WDFY2: variants seen among roughly 807,000 people sequenced by gnomAD.
The protein encoded by WDFY2 is WD repeat and FYVE domain-containing protein 2.
A neutral mutation model predicts 56.4 loss-of-function variants in WDFY2; 36 were observed. The ratio of observed to expected loss-of-function variants is 0.64; its 90% CI spans 0.49 to 0.84. The LOEUF is 0.84. Among genes scored for constraint, WDFY2 ranks in the 40% least tolerant of loss-of-function variants. WDFY2 has a pLI of 0.00. For missense variants in WDFY2, 444 were observed against 512.2 expected (o/e 0.87, Z 1.29); for synonymous variants, 176 against 183.7 (o/e 0.96, Z 0.34).
chr13:51,700,505 G>A (rs911268749), intron 3 of WDFY2, among the ~76,000 whole-genome samples: 5 of 151,976 alleles, frequency 3.3e-5, no homozygotes, highest in African/African-American at 1.2e-4. Flanking sequence ...ACTCAATTTG[G>A]CCATGTCTAT....
chr13:51,637,244 T>G (rs1955071313), intron 1 of WDFY2, among the ~76,000 whole-genome samples: 1 of 152,172 alleles, frequency 6.6e-6, no homozygotes. Flanking sequence ...TTTACCAGTG[T>G]GCAGTGAAAT....
chr13:51,619,224 G>C (rs1018557103), intron 1 of WDFY2, among the ~76,000 whole-genome samples: 1 of 152,112 alleles, frequency 6.6e-6, no homozygotes, highest in Non-Finnish European at 1.5e-5. Context: ...AGGCTGAGGC[G>C]GGCAGACTGC....
chr13:51,749,685 A>T (rs1035382464), intron 7 of WDFY2, among the ~76,000 whole-genome samples: 5 of 152,162 alleles, frequency 3.3e-5, no homozygotes, highest in Non-Finnish European at 2.9e-5. Context: ...ATAGAAAAAT[A>T]AGAAGCAAAC....
chr13:51,643,179 C>A (rs1955204186), intron 1 of WDFY2, among the ~76,000 whole-genome samples: 1 of 152,146 alleles, frequency 6.6e-6, no homozygotes, highest in Non-Finnish European at 1.5e-5. Flanking sequence ...TCACCACTGT[C>A]CATTTCCAGA....
chr13:51,639,091 A>G (rs1955108566), intron 1 of WDFY2, among the ~76,000 whole-genome samples: 1 of 152,200 alleles, frequency 6.6e-6, no homozygotes. Flanking sequence ...AAGGGAGGTC[A>G]AGAATATAAT....
chr13:51,734,674 ACTT>A (rs1450558719), intron 6 of WDFY2, among the ~76,000 whole-genome samples: 4 of 152,198 alleles, frequency 2.6e-5, no homozygotes, highest in Non-Finnish European at 4.4e-5. Flanking sequence ...CATTTCCAGA[ACTT>A]CTTCATCATC....
chr13:51,707,460 T>G lies in WDFY2; in HGVS notation c.334+3810T>G, dbSNP rs188753158. ...AGGCAAGAACCACTGTGCCAGCACA[T>G]TTTTAAAGTTCTAAAAGAAGAAAAA... On this transcript the variant is annotated intron_variant, in intron 4 of 11. Coordinates refer to ENST00000298125, the MANE Select transcript of WDFY2 (RefSeq NM_052950.4). Among the ~76,000 whole-genome samples, 3 of 152,332 alleles carry G rather than the reference T, an allele frequency of 2.0e-5. No individual in the cohort carries two copies. The East Asian group carries it at 5.8e-4, about 29-fold the overall frequency.
At chr13:51,613,699 A>G (rs1954548223) in intron 1 of WDFY2, among the ~76,000 whole-genome samples, 1 of 152,008 alleles carries the variant, frequency 6.6e-6, no homozygotes, top group African/African-American at 2.4e-5. Context: ...TTTTCGTGGA[A>G]AAGTCTTAGA....
At chr13:51,624,204 G>A (rs1226723499) in intron 1 of WDFY2, among the ~76,000 whole-genome samples, 2 of 152,158 alleles carry the variant, frequency 1.3e-5, no homozygotes, top group East Asian at 1.9e-4. Flanking sequence ...TGCTGAAAGC[G>A]GGAGTTCAGA....
chr13:51,625,969 A>G (rs985981966), intron 1 of WDFY2, among the ~76,000 whole-genome samples: 3 of 152,214 alleles, frequency 2.0e-5, no homozygotes, highest in Admixed American at 6.5e-5. Context: ...ACAATTTTTC[A>G]TGCACCCTCT....
Position 51,759,917 on chromosome 13 carries a change from G to T in WDFY2, c.*148G>T, listed in dbSNP as rs767680336. 6 of 772,964 alleles carry T rather than the reference G, an allele frequency of 7.8e-6. No individual in the cohort carries two copies. Among genetic ancestry groups the T allele is most frequent in the Non-Finnish European group, 1.3e-5 (6 of 477,724 alleles). 47.9% of individuals were successfully genotyped at this position (772,964 alleles called of 1,614,324 possible). On this transcript the variant is annotated 3_prime_UTR_variant, in exon 12 of 12. Coordinates refer to ENST00000298125, the MANE Select transcript of WDFY2 (RefSeq NM_052950.4). ...AATTTGCAGATTACCCATGTGCACA[G>T]TGGGGACCTGGCCAGTGAGCACTCG...
chr13:51,749,046 T>G (rs1202352259), intron 7 of WDFY2, among the ~76,000 whole-genome samples: 1 of 152,218 alleles, frequency 6.6e-6, no homozygotes, highest in Non-Finnish European at 1.5e-5. Flanking sequence ...TATCCATCTC[T>G]TCTATTAAGC....
intron 4 of WDFY2, among the ~76,000 whole-genome samples, chr13:51,716,890 A>C (rs1379476066): frequency 1.3e-5 from 2 of 152,134 alleles, no homozygotes; most frequent in African/African-American, 4.8e-5. Flanking sequence ...GCATTCAAAA[A>C]TCAATGTAAT....
intron 6 of WDFY2, among the ~76,000 whole-genome samples, chr13:51,733,278 C>G (rs1566200382): frequency 6.6e-6 from 1 of 152,174 alleles, no homozygotes; most frequent in Admixed American, 6.5e-5. Flanking sequence ...TTCAGGTGAT[C>G]CGCCCACTTC....
At position 51,762,113 on chromosome 13, in the gene WDFY2, A is replaced by G. The variant is rs1953602534; in HGVS notation, c.*2344A>G. 1 of 152,242 alleles carries G rather than the reference A, an allele frequency of 6.6e-6. No individual in the cohort carries two copies. The highest frequency in any genetic ancestry group is 6.5e-5 in the Admixed American group (1 of 15,286). The allele number at this position is 152,242 out of a possible 1,614,324, so 9.4% of individuals were successfully genotyped here. On this transcript the variant is annotated 3_prime_UTR_variant, in exon 12 of 12. Transcript: ENST00000298125. ...AATATAGGACTGTGTGTTGGAAATG[A>G]GTAATAGAGCTGAATCACTCCATTT...
intron 1 of WDFY2, among the ~76,000 whole-genome samples, chr13:51,647,692 C>A (rs540956711): frequency 6.8e-6 from 1 of 146,656 alleles, no homozygotes; most frequent in East Asian, 2.0e-4. Flanking sequence ...TTCAGTAGTT[C>A]AAAGTGACAG....
chr13:51,678,456 C>G (rs1413647024), intron 3 of WDFY2, among the ~76,000 whole-genome samples: 2 of 152,128 alleles, frequency 1.3e-5, no homozygotes, highest in African/African-American at 4.8e-5. Flanking sequence ...AATTCTATTA[C>G]CATTCAAAAT....
Position 51,584,525 on chromosome 13 carries a change from G to C in WDFY2, c.-163G>C, listed in dbSNP as rs531246959. 2.5e-3 allele frequency: 2,483 copies of C among 981,082 alleles called. 9 individuals are homozygous for C. The highest frequency in any genetic ancestry group is 3.0e-3 in the Non-Finnish European group (2,093 of 696,286). 60.8% of individuals were successfully genotyped at this position (981,082 alleles called of 1,614,324 possible). On this transcript the variant is annotated 5_prime_UTR_variant, in exon 1 of 12. Coordinates refer to ENST00000298125, the MANE Select transcript of WDFY2 (RefSeq NM_052950.4). ...TGGTGCCTGAAGCAGGGAGCGCGGAGTCGTTCCCGAGAGAGGCGGCCAGGC... is the reference window on the plus strand; with the variant it reads ...TGGTGCCTGAAGCAGGGAGCGCGGACTCGTTCCCGAGAGAGGCGGCCAGGC...
chr13:51,739,479 G>T (rs1223604515), intron 7 of WDFY2, among the ~76,000 whole-genome samples: 1 of 145,790 alleles, frequency 6.9e-6, no homozygotes. Flanking sequence ...TGAGAGTGAG[G>T]AAAAAAAAAA....
Sources: gnomAD v4.1 joint callset for allele counts (sites outside exome capture counted in the v4.1 genomes callset) on GRCh38, gnomAD v4.1.1 for gene constraint, MANE v1.5 for transcripts, NCBI Gene and HGNC (gene_info 2026-07-23, HGNC 2026-07-21) for gene names.